CRACD: variants seen among roughly 807,000 people sequenced by gnomAD.
The protein encoded by CRACD is capping protein-inhibiting regulator of actin dynamics.
Under a neutral mutation model 106.8 loss-of-function variants are expected in CRACD, and 56 were observed. That is an observed-to-expected ratio of 0.52 (90% CI 0.42 to 0.66). The LOEUF (loss-of-function observed/expected upper bound fraction) is 0.66, where lower values mean the gene tolerates loss of function less well. CRACD is among the 30% of genes least tolerant of loss of function. The pLI, the probability that CRACD is intolerant of heterozygous loss-of-function variation, is 0.00. For synonymous variants in CRACD, 754 were observed against 670.8 expected, an observed-to-expected ratio of 1.12 and a Z score of -1.92; for missense variants, 1,730 against 1,623.2, an observed-to-expected ratio of 1.07 and a Z score of -1.13.
intron 1 of CRACD, among the ~76,000 whole-genome samples, chr4:56,104,797 C>T (rs1436364718): frequency 6.6e-6 from 1 of 151,816 alleles, no homozygotes; most frequent in African/African-American, 2.4e-5. Context: ...GAAACTCTGT[C>T]TCTACTAAAA....
Position 56,314,690 on chromosome 4 carries a change from G to A in CRACD, c.1188G>A (p.Ala396=), listed in dbSNP as rs1038038281. 9 of 1,554,392 alleles carry A rather than the reference G, an allele frequency of 5.8e-6. No homozygotes were observed. The highest frequency in any genetic ancestry group is 7.8e-6 in the Non-Finnish European group (9 of 1,149,034). Residue 396 remains alanine, a synonymous_variant, in exon 8 of 11, where the codon GCG becomes GCA. Transcript: ENST00000682029. This position sits in a 1 kb window ranked among gnomAD's most constrained non-coding sequence, Gnocchi z 4.4. ...LEETGEGRRG[A]EEEDLGEEEE... is the part of the protein sequence containing the mutation. ...AGACTGGGGAGGGCCGGCGGGGCGC[G>A]GAGGAGGAGGATCTGGGGGAAGAGG...
At chr4:56,232,353 A>C (rs1033903287) in intron 2 of CRACD, among the ~76,000 whole-genome samples, 16 of 152,320 alleles carry the variant, frequency 1.1e-4, no homozygotes, top group African/African-American at 3.8e-4. Context: ...TTTATCGCCA[A>C]GTAGTATTCC....
intron 2 of CRACD, among the ~76,000 whole-genome samples, chr4:56,195,926 A>G (rs892934015): frequency 1.3e-5 from 2 of 152,220 alleles, no homozygotes; most frequent in African/African-American, 4.8e-5. Flanking sequence ...TTGGCAAGAT[A>G]TATTTTTCTT....
intron 2 of CRACD, among the ~76,000 whole-genome samples, chr4:56,250,326 A>G (rs1193615975): frequency 6.6e-6 from 1 of 152,192 alleles, no homozygotes; most frequent in East Asian, 1.9e-4. Context: ...TCTTAATACT[A>G]GCTGGCAATA....
chr4:56,139,865 T>C (rs1478442443), intron 1 of CRACD, among the ~76,000 whole-genome samples: 1 of 152,222 alleles, frequency 6.6e-6, no homozygotes, highest in Non-Finnish European at 1.5e-5. Flanking sequence ...TCCACATATT[T>C]AAGCTTTGCA....
chr4:56,209,209 T>TA (rs1738279089), intron 2 of CRACD, among the ~76,000 whole-genome samples: 1 of 152,168 alleles, frequency 6.6e-6, no homozygotes, highest in African/African-American at 2.4e-5. Context: ...CTCGTACAAT[T>TA]AAAAATTTTT....
intron 4 of CRACD, among the ~76,000 whole-genome samples, chr4:56,305,856 C>T (rs530040270): frequency 7.9e-5 from 12 of 152,278 alleles, no homozygotes; most frequent in African/African-American, 2.2e-4. Flanking sequence ...GTTTTGGTAC[C>T]GCTGAGTTCA....
chr4:56,253,266 C>A (rs145713711), intron 2 of CRACD, among the ~76,000 whole-genome samples: 10 of 152,224 alleles, frequency 6.6e-5, no homozygotes, highest in African/African-American at 1.2e-4. Context: ...GCAAACAGAC[C>A]AGGAATGGAG....
intron 1 of CRACD, among the ~76,000 whole-genome samples, chr4:56,127,860 G>T (rs1443760022): frequency 6.6e-6 from 1 of 152,122 alleles, no homozygotes; most frequent in East Asian, 1.9e-4. Flanking sequence ...ATTAAATCTC[G>T]GCCTTGCTCC....
chr4:56,184,686 TTC>T (rs1737008879), intron 2 of CRACD, among the ~76,000 whole-genome samples: 2 of 152,200 alleles, frequency 1.3e-5, no homozygotes, highest in Non-Finnish European at 2.9e-5. Context: ...TTTGAATTAC[TTC>T]TCTGCTACCA....
intron 2 of CRACD, among the ~76,000 whole-genome samples, chr4:56,201,056 A>G (rs2109473606): frequency 1.3e-5 from 2 of 152,262 alleles, no homozygotes; most frequent in South Asian, 4.1e-4. Flanking sequence ...TTTTTGGTGC[A>G]TTTTATTTCA....
At chr4:56,230,375 A>G (rs1443463706) in intron 2 of CRACD, among the ~76,000 whole-genome samples, 1 of 152,138 alleles carries the variant, frequency 6.6e-6, no homozygotes, top group African/African-American at 2.4e-5. Flanking sequence ...AAAAGCAGGT[A>G]TACATCAATT....
chr4:56,314,463 A>G lies in CRACD; in HGVS notation c.961A>G (p.Arg321Gly). Residue 321 changes from arginine (R) to glycine (G), a missense_variant, in exon 8 of 11, where the codon AGG (arginine) becomes GGG (glycine). Arg to Gly is a moderately radical substitution (Grantham distance 125, BLOSUM62 -2). Transcript: ENST00000682029. The surrounding 1 kb of genome is among the most constrained non-coding windows in gnomAD (Gnocchi z 4.4). Reference protein sequence around the residue: ...RERLEAEEERRRLQAQAQAEE... With the variant: ...RERLEAEEERGRLQAQAQAEE... ...GCGCCTGGAGGCGGAGGAGGAGCGA[A>G]GGCGTCTGCAGGCCCAGGCCCAAGC... The G allele has an allele frequency of 6.5e-7, 1 of 1,529,966 alleles. No individual in the cohort carries two copies. The highest frequency in any genetic ancestry group is 2.3e-4 in the Middle Eastern group (1 of 4,278). 94.8% of individuals were successfully genotyped at this position (1,529,966 alleles called of 1,614,324 possible). A position where few individuals can be genotyped will look rare whatever the true frequency, so the allele number is the denominator to read the frequency against.
At chr4:56,299,994 T>C (rs569080559) in intron 4 of CRACD, among the ~76,000 whole-genome samples, 63 of 151,498 alleles carry the variant, frequency 4.2e-4, no homozygotes, top group African/African-American at 1.5e-3. Context: ...AAAAATTAGC[T>C]GGGCGTGGTG....
intron 2 of CRACD, among the ~76,000 whole-genome samples, chr4:56,216,707 G>A (rs953740274): frequency 2.4e-4 from 36 of 152,258 alleles, no homozygotes; most frequent in African/African-American, 7.2e-4. Flanking sequence ...CAGGCCGGGC[G>A]CGGTGGCTCA....
At chr4:56,174,423 C>G (rs563735359) in intron 1 of CRACD, among the ~76,000 whole-genome samples, 2 of 152,294 alleles carry the variant, frequency 1.3e-5, no homozygotes, top group South Asian at 4.1e-4. Context: ...CATTAATCAA[C>G]TCCTCGTCAT....
chr4:56,199,179 G>A (rs1737760710), intron 2 of CRACD, among the ~76,000 whole-genome samples: 1 of 152,044 alleles, frequency 6.6e-6, no homozygotes, highest in Non-Finnish European at 1.5e-5. Context: ...ATGATCAGGG[G>A]AAAAATAGCC....
chr4:56,135,830 T>C (rs1734982095), intron 1 of CRACD, among the ~76,000 whole-genome samples: 1 of 152,178 alleles, frequency 6.6e-6, no homozygotes, highest in African/African-American at 2.4e-5. Context: ...TACTCTTTGC[T>C]CTTTTGAAAC....
rs145212746 is a variant in CRACD at position 56,113,666 on chromosome 4, A to G, written c.-336+64367A>G. Among the ~76,000 whole-genome samples, 436 of 152,274 alleles carry G rather than the reference A, an allele frequency of 2.9e-3. 4 individuals are homozygous for G. The highest frequency in any genetic ancestry group is 9.8e-3 in the African/African-American group (407 of 41,552). ...CTGATAGCACTTCATCATAGCGTTT[A>G]TCTCAGAGTATTGGACAAATCTGAT... On this transcript the variant is annotated intron_variant, in intron 1 of 10. Coordinates refer to ENST00000682029, the MANE Select transcript of CRACD (RefSeq NM_001393381.1).
Sources: allele counts gnomAD v4.1 joint callset (sites outside exome capture counted in the v4.1 genomes callset), GRCh38; gene constraint gnomAD v4.1.1; non-coding constraint Gnocchi (gnomAD v3.1); transcripts MANE v1.5; gene names NCBI Gene and HGNC (gene_info 2026-07-23, HGNC 2026-07-21).